The following SGIP1 variants were observed in gnomAD, a reference collection of about 807,000 sequenced individuals.
The protein encoded by SGIP1 is SH3-containing GRB2-like protein 3-interacting protein 1.
In SGIP1, 38 loss-of-function variants were observed where a neutral mutation model predicts 107.5. The ratio of observed to expected loss-of-function variants is 0.35; its 90% CI spans 0.27 to 0.46. The LOEUF is 0.46. SGIP1 is among the 20% of genes least tolerant of loss of function. SGIP1 has a pLI of 1.00. For synonymous variants in SGIP1, 365 were observed against 366.1 expected, an observed-to-expected ratio of 1.00 and a Z score of 0.03; for missense variants, 929 against 1,019.5, an observed-to-expected ratio of 0.91 and a Z score of 1.21.
intron 18 of SGIP1, among the ~76,000 whole-genome samples, chr1:66,716,174 A>G (rs532702647): frequency 6.6e-6 from 1 of 152,214 alleles, no homozygotes; most frequent in African/African-American, 2.4e-5. Context: ...ATTCAGTTTC[A>G]TCCAAGCCAC....
At chr1:66,556,418 A>G (rs2058179062) in intron 1 of SGIP1, among the ~76,000 whole-genome samples, 1 of 152,104 alleles carries the variant, frequency 6.6e-6, no homozygotes, top group Non-Finnish European at 1.5e-5. Flanking sequence ...CTTCACTGCA[A>G]GCCTCTGATC....
At chr1:66,631,457 T>C (rs941560205) in intron 2 of SGIP1, among the ~76,000 whole-genome samples, 1 of 152,202 alleles carries the variant, frequency 6.6e-6, no homozygotes, top group Non-Finnish European at 1.5e-5. Flanking sequence ...CAGAATCTTC[T>C]CTGTTTCTTG....
chr1:66,646,458 T>C (rs925480286), intron 7 of SGIP1, among the ~76,000 whole-genome samples: 2 of 152,248 alleles, frequency 1.3e-5, no homozygotes, highest in Non-Finnish European at 2.9e-5. Context: ...ATGGTTTACG[T>C]TGGACTTCTG....
intron 1 of SGIP1, among the ~76,000 whole-genome samples, chr1:66,580,223 T>C (rs1393257081): frequency 6.6e-6 from 1 of 152,166 alleles, no homozygotes; most frequent in Non-Finnish European, 1.5e-5. Flanking sequence ...CCATTATGTC[T>C]GCAAGGCCCT....
chr1:66,684,289 C>G, intron 15 of SGIP1: 2 of 1,486,806 alleles, frequency 1.3e-6, no homozygotes, highest in Admixed American at 2.0e-5. Flanking sequence ...TACTGACACC[C>G]ATCTACACTG....
At chr1:66,589,220 A>G (rs2063208556) in intron 1 of SGIP1, among the ~76,000 whole-genome samples, 17 of 77,038 alleles carry the variant, frequency 2.2e-4, no homozygotes, top group Middle Eastern at 7.6e-3. Context: ...ATATATATGT[A>G]AGGCTTGGGG....
At chr1:66,698,812 T>C (rs1358835104) in intron 18 of SGIP1, among the ~76,000 whole-genome samples, 1 of 151,954 alleles carries the variant, frequency 6.6e-6, no homozygotes, top group Non-Finnish European at 1.5e-5. Flanking sequence ...TTTGAGCAAT[T>C]CCCTAGAGTA....
At chr1:66,725,159 C>G (rs939189275) in intron 19 of SGIP1, among the ~76,000 whole-genome samples, 1 of 152,192 alleles carries the variant, frequency 6.6e-6, no homozygotes, top group Non-Finnish European at 1.5e-5. Context: ...CCAAAAATCC[C>G]ATTCAGAGCA....
Position 66,746,204 on chromosome 1 carries a change from G to A in SGIP1, c.*3109G>A, listed in dbSNP as rs539014. 53,724 of 151,994 alleles carry A rather than the reference G, an allele frequency of 0.35. 10,322 individuals are homozygous for A. Among genetic ancestry groups the A allele is most frequent in the Non-Finnish European group, 0.42 (28,189 of 67,900 alleles). The allele number at this position is 151,994 out of a possible 1,614,324, so 9.4% of individuals were successfully genotyped here. ...CTTGGCTCTGCCACTGACTCCTGCC[G>A]TATGATATTGGACAAATCACTGCCC... is the stretch of plus-strand genomic sequence containing the variant. On this transcript the variant is annotated 3_prime_UTR_variant, in exon 25 of 25. Transcript: ENST00000371037.
intron 15 of SGIP1, chr1:66,684,104 C>A: frequency 6.4e-7 from 1 of 1,550,398 alleles, no homozygotes. Context: ...TCCCTTTTTA[C>A]AGATGGGAAA....
rs533854621 is a variant in SGIP1, at chr1:66,749,418, C to T, written c.*6323C>T. Among the ~76,000 whole-genome samples, 1 of 151,084 alleles carries T rather than the reference C, an allele frequency of 6.6e-6. No individual in the cohort carries two copies. Among genetic ancestry groups the T allele is most frequent in the Admixed American group, 6.6e-5 (1 of 15,188 alleles). ...AGCACAGATTTTGTGAGATTCTATA[C>T]TCTTTTAATGAGCATTTCATAGGGT... is the stretch of plus-strand genomic sequence containing the variant. On this transcript the variant is annotated 3_prime_UTR_variant, in exon 25 of 25. Coordinates refer to ENST00000371037, the MANE Select transcript of SGIP1 (RefSeq NM_032291.4).
intron 7 of SGIP1, among the ~76,000 whole-genome samples, chr1:66,658,086 G>C (rs1459923519): frequency 6.6e-6 from 1 of 152,148 alleles, no homozygotes; most frequent in Non-Finnish European, 1.5e-5. Context: ...GAGATGTAGA[G>C]GAGGGGAGGG....
chr1:66,562,581 C>T (rs137972456), intron 1 of SGIP1, among the ~76,000 whole-genome samples: 49 of 152,156 alleles, frequency 3.2e-4, no homozygotes, highest in African/African-American at 1.2e-3. Context: ...TATTTTACCA[C>T]CAGCGGCAGA....
intron 1 of SGIP1, among the ~76,000 whole-genome samples, chr1:66,578,324 G>A (rs375035510): frequency 6.6e-5 from 10 of 152,272 alleles, no homozygotes; most frequent in Middle Eastern, 3.4e-3. Context: ...AATGGATGTA[G>A]GAACTGGGGT....
intron 13 of SGIP1, among the ~76,000 whole-genome samples, chr1:66,679,232 G>T (rs771587405): frequency 3.9e-5 from 6 of 152,098 alleles, no homozygotes; most frequent in Non-Finnish European, 7.4e-5. Context: ...CCCCTCACAG[G>T]AGCCCCCACC....
intron 14 of SGIP1, among the ~76,000 whole-genome samples, chr1:66,679,988 G>A (rs2086314440): frequency 6.6e-6 from 1 of 152,062 alleles, no homozygotes; most frequent in African/African-American, 2.4e-5. Flanking sequence ...GTATAATTTT[G>A]TTGAATGAGG....
chr1:66,606,987 A>G (rs2066972603), intron 1 of SGIP1, among the ~76,000 whole-genome samples: 1 of 152,212 alleles, frequency 6.6e-6, no homozygotes, highest in Non-Finnish European at 1.5e-5. Flanking sequence ...TTATCATACC[A>G]TGTTCATGAA....
chr1:66,576,080 A>G (rs1251207796), intron 1 of SGIP1, among the ~76,000 whole-genome samples: 2 of 152,222 alleles, frequency 1.3e-5, no homozygotes, highest in Non-Finnish European at 2.9e-5. Context: ...GTCAGAAAAT[A>G]AGAATTCACA....
At chr1:66,718,455 G>C (rs1046135851) in intron 18 of SGIP1, among the ~76,000 whole-genome samples, 4 of 152,086 alleles carry the variant, frequency 2.6e-5, no homozygotes, top group African/African-American at 9.7e-5. Context: ...GATAAACCTA[G>C]GTTTGAATTT....
Sources: allele counts gnomAD v4.1 joint callset (sites outside exome capture counted in the v4.1 genomes callset), GRCh38; gene constraint gnomAD v4.1.1; transcripts MANE v1.5; gene names NCBI Gene and HGNC (gene_info 2026-07-23, HGNC 2026-07-21).